Variants in EML4 observed in about 807,000 individuals in gnomAD.
EML4 encodes the protein EMAP like 4.
EML4 carries 72 observed loss-of-function variants against 129.0 expected under a neutral mutation model. That is an observed-to-expected ratio of 0.56 (90% confidence interval 0.46 to 0.68). The LOEUF (loss-of-function observed/expected upper bound fraction) is 0.68, where lower values mean the gene tolerates loss of function less well. Among genes scored for constraint, EML4 ranks in the 30% least tolerant of loss-of-function variants. The pLI is 0.00. For missense variants in EML4, 1,363 were observed against 1,190.6 expected (o/e 1.14, Z -2.13); for synonymous variants, 532 against 405.0 (o/e 1.31, Z -3.77).
At chr2:42,295,312 TA>T in intron 12 of EML4, 53 bp downstream of exon 12, 1 of 1,594,922 alleles carries the variant, frequency 6.3e-7, no homozygotes, top group South Asian at 1.1e-5. Context: ...TTAATTTTTT[TA>T]ATTGTTTAAT....
chr2:42,309,352 T>C (rs1306299065), intron 17 of EML4, among the ~76,000 whole-genome samples: 1 of 148,684 alleles, frequency 6.7e-6, no homozygotes, highest in Non-Finnish European at 1.5e-5. Flanking sequence ...AAGGCTATCA[T>C]AGTGAGCTAT....
In EML4 at chr2:42,230,647, C is replaced by A. The variant is rs780783379; in HGVS notation, c.26-14858C>A. Among the ~76,000 whole-genome samples, 46 of 152,252 alleles carry A rather than the reference C, an allele frequency of 3.0e-4. 1 individual carries two copies. The highest frequency in any genetic ancestry group is 1.7e-3 in the Admixed American group (26 of 15,304). On this transcript the variant is annotated intron_variant, in intron 1 of 22. Coordinates refer to ENST00000318522, the MANE Select transcript of EML4 (RefSeq NM_019063.5). ...TCTCAAACTCCTGACCTCAGGCGAT[C>A]CCTCCACCTCAGCCTCCGAAAGTGC...
intron 1 of EML4, among the ~76,000 whole-genome samples, chr2:42,218,256 A>T (rs1200015773): frequency 6.6e-6 from 1 of 151,988 alleles, no homozygotes; most frequent in Non-Finnish European, 1.5e-5. Context: ...ATGAGAATCT[A>T]ATGCCTGATC....
intron 3 of EML4, among the ~76,000 whole-genome samples, chr2:42,258,542 A>G (rs971181028): frequency 3.3e-5 from 5 of 152,142 alleles, no homozygotes; most frequent in African/African-American, 1.2e-4. Context: ...CTGGGATTAC[A>G]GGCATGCGCC....
At chr2:42,248,046 C>T (rs1675525640) in intron 2 of EML4, among the ~76,000 whole-genome samples, 2 of 152,064 alleles carry the variant, frequency 1.3e-5, no homozygotes, top group Admixed American at 1.3e-4. Context: ...CACCCAGGCT[C>T]ACTGTAACCT....
chr2:42,212,118 T>G (rs1480121273), intron 1 of EML4, among the ~76,000 whole-genome samples: 1 of 152,166 alleles, frequency 6.6e-6, no homozygotes, highest in Non-Finnish European at 1.5e-5. Context: ...AGTGTTGGGA[T>G]TACAGGTGTG....
chr2:42,229,276 A>T (rs1674171704), intron 1 of EML4, among the ~76,000 whole-genome samples: 1 of 152,192 alleles, frequency 6.6e-6, no homozygotes, highest in Non-Finnish European at 1.5e-5. Context: ...TATGTCATCT[A>T]GATGTTCTTA....
intron 1 of EML4, among the ~76,000 whole-genome samples, chr2:42,212,882 G>A (rs946160600): frequency 6.6e-6 from 1 of 152,208 alleles, no homozygotes; most frequent in African/African-American, 2.4e-5. Flanking sequence ...ACTTGACTAA[G>A]AGTCTGAAAA....
At chr2:42,321,008 C>A (rs1404859770) in intron 19 of EML4, among the ~76,000 whole-genome samples, 1 of 152,038 alleles carries the variant, frequency 6.6e-6, no homozygotes, top group Non-Finnish European at 1.5e-5. Context: ...ACCTAGAAAT[C>A]GCCAAGAAAA....
At chr2:42,180,845 TGTCTCTTTA>T (rs1475073332) in intron 1 of EML4, among the ~76,000 whole-genome samples, 1 of 152,256 alleles carries the variant, frequency 6.6e-6, no homozygotes, top group Non-Finnish European at 1.5e-5. Flanking sequence ...TTAGTTTTCA[TGTCTCTTTA>T]GTCTCTTTGA....
At chr2:42,258,669 G>T (rs992806448) in intron 3 of EML4, among the ~76,000 whole-genome samples, 8 of 152,070 alleles carry the variant, frequency 5.3e-5, no homozygotes, top group Admixed American at 5.2e-4. Flanking sequence ...CAAAGTGGTG[G>T]GATTACAGGT....
chr2:42,323,396 CA>C (rs1669621878), intron 19 of EML4, among the ~76,000 whole-genome samples: 1 of 152,156 alleles, frequency 6.6e-6, no homozygotes, highest in Non-Finnish European at 1.5e-5. Flanking sequence ...AAGTGATTCC[CA>C]ACGTGTTTTC....
At position 42,207,260 on chromosome 2, in the gene EML4, T is replaced by C. The variant is rs190253296; in HGVS notation, c.25+37624T>C. Among the ~76,000 whole-genome samples the C allele has an allele frequency of 2.3e-3, 355 of 152,318 alleles. 1 individual carries two copies. The highest frequency in any genetic ancestry group is 3.4e-3 in the Non-Finnish European group (234 of 68,012). ...ACTTTTATAAATGTATATCTTTTAC[T>C]AAAATATATCTATGTATACACATAC... is the stretch of plus-strand genomic sequence containing the variant. On this transcript the variant is annotated intron_variant, in intron 1 of 22. Coordinates refer to ENST00000318522, the MANE Select transcript of EML4 (RefSeq NM_019063.5).
intron 11 of EML4, among the ~76,000 whole-genome samples, chr2:42,294,473 A>G (rs1667833019): frequency 1.3e-5 from 2 of 152,316 alleles, no homozygotes; most frequent in South Asian, 4.1e-4. Context: ...AGGTGGGCGG[A>G]TGACTTGAGG....
chr2:42,230,639 C>T (rs1024922798), intron 1 of EML4, among the ~76,000 whole-genome samples: 2 of 152,172 alleles, frequency 1.3e-5, no homozygotes, highest in African/African-American at 2.4e-5. Context: ...CTCCTGACCT[C>T]AGGCGATCCC....
At chr2:42,286,978 T>A (rs1667341622) in intron 10 of EML4, among the ~76,000 whole-genome samples, 1 of 152,226 alleles carries the variant, frequency 6.6e-6, no homozygotes, top group South Asian at 2.1e-4. Context: ...TTAAACATTC[T>A]GGTTTTTTCT....
Position 42,238,880 on chromosome 2 carries a change from C to A in EML4, c.26-6625C>A, listed in dbSNP as rs562324118. Among the ~76,000 whole-genome samples, 100 of 152,298 alleles carry A rather than the reference C, an allele frequency of 6.6e-4. 1 individual carries two copies. Among genetic ancestry groups the A allele is most frequent in the African/African-American group, 2.4e-3 (99 of 41,558 alleles). ...CTTACTGCAGCCGTGACCTCTTAGG[C>A]TCAAGTGATCCTCCTGCCTCAGGAC... On this transcript the variant is annotated intron_variant, in intron 1 of 22. Transcript: ENST00000318522.
intron 13 of EML4, 130 bp downstream of exon 13, chr2:42,295,646 T>C (rs1667904865): frequency 1.5e-6 from 1 of 685,136 alleles, no homozygotes; most frequent in South Asian, 2.9e-5. Context: ...TACCTTTTGT[T>C]TTCAGCATTC....
intron 13 of EML4, among the ~76,000 whole-genome samples, chr2:42,297,488 A>G (rs759048744): frequency 1.3e-5 from 2 of 152,220 alleles, no homozygotes; most frequent in African/African-American, 2.4e-5. Context: ...AGGAAATCCA[A>G]TCTTGTAAAT....
Sources: gnomAD v4.1 joint callset for allele counts (sites outside exome capture counted in the v4.1 genomes callset) on GRCh38, gnomAD v4.1.1 for gene constraint, MANE v1.5 for transcripts, NCBI Gene and HGNC (gene_info 2026-07-23, HGNC 2026-07-21) for gene names.